The following ERCC8 variants were observed in gnomAD, a reference collection of about 807,000 sequenced individuals.
The protein encoded by ERCC8 is ERCC excision repair 8, CSA ubiquitin ligase complex subunit.
A neutral mutation model predicts 54.9 loss-of-function variants in ERCC8; 52 were observed. The ratio of observed to expected loss-of-function variants is 0.95; its 90% CI spans 0.76 to 1.19. The LOEUF is 1.19. Among genes scored for constraint, ERCC8 ranks in the 50% most tolerant of loss-of-function variants. The pLI is 0.00. For missense variants in ERCC8, 514 were observed against 466.1 expected (o/e 1.10, Z -0.95); for synonymous variants, 146 against 157.2 (o/e 0.93, Z 0.53).
At chr5:60,929,871 A>G (rs929455017) in intron 1 of ERCC8, among the ~76,000 whole-genome samples, 1 of 152,216 alleles carries the variant, frequency 6.6e-6, no homozygotes, top group African/African-American at 2.4e-5. Context: ...CATCTACACT[A>G]ATTTAACCAG....
intron 7 of ERCC8, 81 bp downstream of exon 7, chr5:60,902,361 T>C: frequency 9.6e-7 from 1 of 1,041,218 alleles, no homozygotes; most frequent in South Asian, 1.4e-5. Flanking sequence ...TATGCTAAAA[T>C]ATATACATTA....
intron 11 of ERCC8, among the ~76,000 whole-genome samples, chr5:60,886,530 C>T (rs1469427952): frequency 2.6e-5 from 4 of 151,728 alleles, no homozygotes; most frequent in African/African-American, 7.3e-5. Context: ...GGTGAGACCA[C>T]GTCTCTACTA....
chr5:60,899,957 A>G (rs1285963584), intron 7 of ERCC8, among the ~76,000 whole-genome samples: 2 of 152,018 alleles, frequency 1.3e-5, no homozygotes, highest in Non-Finnish European at 2.9e-5. Flanking sequence ...TTTCCAGATA[A>G]CAAGAACAAA....
chr5:60,920,621 A>G (rs1749574191), intron 3 of ERCC8, among the ~76,000 whole-genome samples: 1 of 151,932 alleles, frequency 6.6e-6, no homozygotes, highest in African/African-American at 2.4e-5. Context: ...TAAATCCTTC[A>G]GATGTATAAA....
At chr5:60,909,059 CA>C (rs1400400213) in intron 4 of ERCC8, among the ~76,000 whole-genome samples, 2 of 151,280 alleles carry the variant, frequency 1.3e-5, no homozygotes, top group Admixed American at 1.3e-4. Flanking sequence ...AATTGAATGC[CA>C]GATAAAGATG....
chr5:60,934,010 T>C (rs1354246554), intron 1 of ERCC8, among the ~76,000 whole-genome samples: 3 of 152,206 alleles, frequency 2.0e-5, no homozygotes, highest in African/African-American at 7.2e-5. Flanking sequence ...GCTGGTTCTA[T>C]ATTTTTGCAC....
Position 60,867,418 on chromosome 5 carries a change from C to A in ERCC8, c.*7197G>T, listed in dbSNP as rs986922430. On this transcript the variant is annotated 3_prime_UTR_variant, in exon 12 of 12. Coordinates refer to ENST00000676185, the MANE Select transcript of ERCC8 (RefSeq NM_000082.4). ...TACAGGTGTGAGCCACTGCGCCTGG[C>A]CTTATTTCTTTATAAAGCCATTACA... Among the ~76,000 whole-genome samples, 1 of 152,030 alleles carries A rather than the reference C, an allele frequency of 6.6e-6. No homozygotes were observed. The highest frequency in any genetic ancestry group is 1.5e-5 in the Non-Finnish European group (1 of 68,022).
chr5:60,892,101 T>C, intron 9 of ERCC8: 1 of 528,178 alleles, frequency 1.9e-6, no homozygotes, highest in Non-Finnish European at 3.8e-6. Context: ...TCCTCTGCAG[T>C]ACTGGGCAGC....
intron 1 of ERCC8, among the ~76,000 whole-genome samples, chr5:60,943,337 T>G (rs1024677396): frequency 3.9e-5 from 6 of 152,224 alleles, no homozygotes; most frequent in Non-Finnish European, 7.3e-5. Flanking sequence ...AATCCTCACT[T>G]GGCACAGTCT....
intron 11 of ERCC8, among the ~76,000 whole-genome samples, chr5:60,883,950 T>C (rs1440037828): frequency 6.6e-6 from 1 of 152,204 alleles, no homozygotes; most frequent in African/African-American, 2.4e-5. Flanking sequence ...GTTCTTCCTT[T>C]CTTTAGATAG....
chr5:60,882,291 A>G (rs776205031), intron 11 of ERCC8, among the ~76,000 whole-genome samples: 2 of 152,240 alleles, frequency 1.3e-5, no homozygotes, highest in Non-Finnish European at 2.9e-5. Flanking sequence ...AGTATCAGCT[A>G]GAAGAGCTGG....
At chr5:60,891,743 C>G (rs961107452) in intron 9 of ERCC8, among the ~76,000 whole-genome samples, 1 of 150,998 alleles carries the variant, frequency 6.6e-6, no homozygotes, top group Admixed American at 6.6e-5. Context: ...TTGGGTTTGT[C>G]AGCTCCAGCC....
At chr5:60,908,643 C>T (rs185431350) in intron 4 of ERCC8, among the ~76,000 whole-genome samples, 118 of 149,760 alleles carry the variant, frequency 7.9e-4, no homozygotes, top group African/African-American at 2.8e-3. Flanking sequence ...CACCTTGGAA[C>T]CCATACGAAG....
At position 60,871,626 on chromosome 5, in the gene ERCC8, T is replaced by C. The variant is rs974626623; in HGVS notation, c.*2989A>G. ...GAAAATGTTAGTGGTGGTTACCTTA[T>C]GGTATTATAATTCCAGGTGACCACT... On this transcript the variant is annotated 3_prime_UTR_variant, in exon 12 of 12. Transcript: ENST00000676185. 6.6e-6 allele frequency among the ~76,000 whole-genome samples: 1 copy of C among 152,214 alleles called. No individual in the cohort carries two copies. Among genetic ancestry groups the C allele is most frequent in the African/African-American group, 2.4e-5 (1 of 41,458 alleles).
At chr5:60,924,671 T>A (rs991116953) in intron 2 of ERCC8, among the ~76,000 whole-genome samples, 15 of 152,166 alleles carry the variant, frequency 9.9e-5, no homozygotes, top group Admixed American at 6.6e-4. Flanking sequence ...ACTTCTATCA[T>A]ATGTTATGCT....
intron 2 of ERCC8, among the ~76,000 whole-genome samples, chr5:60,925,406 T>A (rs985500986): frequency 6.6e-6 from 1 of 152,196 alleles, no homozygotes; most frequent in Non-Finnish European, 1.5e-5. Context: ...CTTTGACTGG[T>A]TAGCTCTTTG....
chr5:60,896,680 T>C (rs1295145081), intron 9 of ERCC8, among the ~76,000 whole-genome samples: 1 of 152,176 alleles, frequency 6.6e-6, no homozygotes, highest in Non-Finnish European at 1.5e-5. Flanking sequence ...TACCTATGCA[T>C]GAATTACTTT....
intron 1 of ERCC8, among the ~76,000 whole-genome samples, chr5:60,936,282 T>C (rs1200083757): frequency 6.6e-6 from 1 of 152,200 alleles, no homozygotes; most frequent in African/African-American, 2.4e-5. Context: ...TCATCTCCTC[T>C]AAGTTTTCTA....
chr5:60,913,276 T>G (rs1001189817), intron 4 of ERCC8, among the ~76,000 whole-genome samples: 14 of 152,106 alleles, frequency 9.2e-5, no homozygotes, highest in African/African-American at 2.9e-4. Context: ...CAGAACCTGT[T>G]ATTGGTCTAT....
Sources: allele counts gnomAD v4.1 joint callset (sites outside exome capture counted in the v4.1 genomes callset), GRCh38; gene constraint gnomAD v4.1.1; transcripts MANE v1.5; gene names NCBI Gene and HGNC (gene_info 2026-07-23, HGNC 2026-07-21).